CD80: variants seen among roughly 807,000 people sequenced by gnomAD.
CD80 encodes the protein CD80 molecule.
Under a neutral mutation model 27.1 loss-of-function variants are expected in CD80, and 13 were observed. That is an observed-to-expected ratio of 0.48 (90% CI 0.31 to 0.76). The LOEUF (loss-of-function observed/expected upper bound fraction) is 0.76. Ranked by LOEUF, CD80 falls within the 30% of genes least tolerant of loss-of-function variation. The probability of loss-of-function intolerance (pLI) is 0.04; values close to 1 mark genes in which losing one functional copy is unlikely to be tolerated. For synonymous variants in CD80, 125 were observed against 125.5 expected (o/e 1.00, Z 0.03); for missense variants, 277 against 347.9 (o/e 0.80, Z 1.62).
intron 2 of CD80, among the ~76,000 whole-genome samples, chr3:119,553,430 G>A (rs893619424): frequency 9.2e-5 from 14 of 152,136 alleles, no homozygotes; most frequent in African/African-American, 3.1e-4. Context: ...GTGAGCCACC[G>A]TGCCTGGCTG....
At chr3:119,538,526 T>C (rs2082151219) in intron 3 of CD80, among the ~76,000 whole-genome samples, 2 of 152,194 alleles carry the variant, frequency 1.3e-5, no homozygotes. Flanking sequence ...CCTAAATTTG[T>C]GGTTAGCATT....
At position 119,559,104 on chromosome 3, in the gene CD80, A is replaced by G. The variant is rs990793513; in HGVS notation, c.-201+336T>C. ...CAGGCTAGAGTGCAGTGGCGTGACC[A>G]TAGCTCACCACAGTCTCAACCTCCC... On this transcript the variant is annotated intron_variant, in intron 1 of 6. Coordinates refer to ENST00000264246, the MANE Select transcript of CD80 (RefSeq NM_005191.4). Among the ~76,000 whole-genome samples, 11 of 152,362 alleles carry G rather than the reference A, an allele frequency of 7.2e-5. No homozygotes were observed. The East Asian group carries it at 1.5e-3, about 21-fold the overall frequency.
intron 6 of CD80, 187 bp downstream of exon 6, chr3:119,527,546 T>A: frequency 4.1e-6 from 2 of 485,808 alleles, no homozygotes; most frequent in South Asian, 4.6e-5. Context: ...AAAGAAGAGG[T>A]TACATTAAGC....
chr3:119,525,522 C>G lies in CD80; in HGVS notation c.*266G>C, dbSNP rs1475010312. The stretch of plus-strand genomic sequence containing the variant: ...CTCAGTGCCTTTGTCATTAATAACA[C>G]TGGTATTCTCTAAAGTCCCTTCCAG... On this transcript the variant is annotated 3_prime_UTR_variant, in exon 7 of 7. Transcript: ENST00000264246. 3.3e-5 allele frequency: 5 copies of G among 152,388 alleles called. No homozygotes were observed. Among genetic ancestry groups the G allele is most frequent in the Admixed American group, 1.3e-4 (2 of 15,278 alleles). The allele number at this position is 152,388 out of a possible 1,614,324, so 9.4% of individuals were successfully genotyped here.
chr3:119,530,346 A>G (rs2082103043), intron 4 of CD80, among the ~76,000 whole-genome samples: 1 of 151,936 alleles, frequency 6.6e-6, no homozygotes, highest in South Asian at 2.1e-4. Flanking sequence ...CCTTTCTCCT[A>G]CCATATTCTC....
intron 4 of CD80, among the ~76,000 whole-genome samples, chr3:119,531,004 G>T (rs1004048200): frequency 6.6e-6 from 1 of 152,232 alleles, no homozygotes; most frequent in African/African-American, 2.4e-5. Flanking sequence ...TAGTGTTAAA[G>T]ATTATCTGTG....
chr3:119,554,614 C>T (rs1010590643), intron 2 of CD80, among the ~76,000 whole-genome samples: 1 of 152,178 alleles, frequency 6.6e-6, no homozygotes, highest in African/African-American at 2.4e-5. Context: ...GCATCAGTGG[C>T]TGGGCAGGAG....
intron 3 of CD80, among the ~76,000 whole-genome samples, chr3:119,541,011 G>T (rs1355390253): frequency 6.6e-6 from 1 of 151,706 alleles, no homozygotes; most frequent in African/African-American, 2.4e-5. Flanking sequence ...TCACGCCACT[G>T]CACTCTAGCC....
chr3:119,544,761 C>T lies in CD80; in HGVS notation c.207G>A (p.Glu69=). 1 of 1,614,214 alleles carries T rather than the reference C, an allele frequency of 6.2e-7. No individual in the cohort carries two copies. The change falls in exon 3 of 7, where the codon GAG becomes GAA. Residue 69 remains glutamate (E), a synonymous_variant. Transcript: ENST00000264246. ...LAQTRIYWQK[E]KKMVLTMMSG... Reference sequence around the variant, plus strand: ...ACATCATAGTCAGCACCATTTTCTTCTCCTTTTGCCAGTAGATGCGAGTTT... The same window carrying T: ...ACATCATAGTCAGCACCATTTTCTTTTCCTTTTGCCAGTAGATGCGAGTTT...
chr3:119,536,216 A>T (rs1472267486), intron 4 of CD80, among the ~76,000 whole-genome samples: 5 of 152,250 alleles, frequency 3.3e-5, no homozygotes, highest in Admixed American at 1.3e-4. Context: ...GTGCCACTGC[A>T]CTCCAGCCTG....
chr3:119,529,975 T>C (rs367958011), intron 4 of CD80, 38 bp from the exon 5 acceptor site: 1 of 1,399,676 alleles, frequency 7.1e-7, no homozygotes, highest in Non-Finnish European at 1.0e-6. Flanking sequence ...TGTAATGTAT[T>C]TCCTACTGCC....
intron 4 of CD80, among the ~76,000 whole-genome samples, chr3:119,535,561 T>G (rs1411202582): frequency 6.6e-6 from 1 of 152,154 alleles, no homozygotes; most frequent in East Asian, 1.9e-4. Flanking sequence ...GATGTATATA[T>G]TCATATAAAC....
intron 1 of CD80, among the ~76,000 whole-genome samples, chr3:119,559,164 T>C (rs536161868): frequency 6.6e-6 from 1 of 152,298 alleles, no homozygotes; most frequent in South Asian, 2.1e-4. Context: ...CACTAGAATT[T>C]TACTGGCTTG....
intron 3 of CD80, among the ~76,000 whole-genome samples, chr3:119,538,289 T>C (rs1006615851): frequency 6.6e-6 from 1 of 152,208 alleles, no homozygotes; most frequent in Non-Finnish European, 1.5e-5. Context: ...CCTTTCTTTC[T>C]TTCCTTTCCC....
In CD80 at chr3:119,527,820, T is replaced by C. The variant is rs554371785; in HGVS notation, c.818A>G (p.Glu273Gly). ...TCTCAATCTCTCATTCCTCCTTCTC[T>C]CTCTGCATCTTGGGGCAAAGCCTTG... ...LTYCFAPRCR[E>G]RRRNERLRRE... The change falls in exon 6 of 7, where the codon GAG becomes GGG. Residue 273 changes from glutamate to glycine, a missense_variant. Glu to Gly is a moderately conservative substitution (Grantham distance 98). Coordinates refer to ENST00000264246, the MANE Select transcript of CD80 (RefSeq NM_005191.4). 7 of 1,613,934 alleles carry C rather than the reference T, an allele frequency of 4.3e-6. No homozygotes were observed. In the African/African-American group the frequency reaches 9.3e-5, roughly 22 times the overall value.
At chr3:119,535,991 C>A (rs2082135795) in intron 4 of CD80, among the ~76,000 whole-genome samples, 2 of 152,124 alleles carry the variant, frequency 1.3e-5, no homozygotes, top group Non-Finnish European at 2.9e-5. Flanking sequence ...GTGGCTCACA[C>A]CTGTAATCCC....
At chr3:119,544,927 C>T in intron 2 of CD80, 60 bp from the exon 3 acceptor site, 1 of 1,392,958 alleles carries the variant, frequency 7.2e-7, no homozygotes, top group East Asian at 2.4e-5. Context: ...CCTGCATGGT[C>T]AGGAATCCAA....
intron 2 of CD80, among the ~76,000 whole-genome samples, chr3:119,549,976 T>C (rs1049482733): frequency 1.3e-5 from 2 of 152,242 alleles, no homozygotes; most frequent in African/African-American, 4.8e-5. Flanking sequence ...AGCCACTTGC[T>C]GTTTCATCTG....
rs764714110 is a variant in CD80, at chr3:119,537,212, T to C, written c.625A>G (p.Thr209Ala). 2 of 1,614,120 alleles carry C rather than the reference T, an allele frequency of 1.2e-6. No individual in the cohort carries two copies. The highest frequency in any genetic ancestry group is 2.2e-5 in the South Asian group (2 of 91,084). ...AGACACATGAAGCTGTGGTTGGTTG[T>C]CATATTGAAATCCAGTTTGCTGCTA... ...AVSSKLDFNM[T>A]TNHSFMCLIK... Residue 209 changes from threonine to alanine, a missense_variant, in exon 4 of 7, where the codon ACA (threonine) becomes GCA (alanine). Coordinates refer to ENST00000264246, the MANE Select transcript of CD80 (RefSeq NM_005191.4).
Sources: gnomAD v4.1 joint callset for allele counts (sites outside exome capture counted in the v4.1 genomes callset) on GRCh38, gnomAD v4.1.1 for gene constraint, MANE v1.5 for transcripts, NCBI Gene and HGNC (gene_info 2026-07-23, HGNC 2026-07-21) for gene names.